The following TECPR2 variants were observed in gnomAD, a reference collection of about 807,000 sequenced individuals.
TECPR2 encodes tectonin beta-propeller repeat-containing protein 2.
A neutral mutation model predicts 138.1 loss-of-function variants in TECPR2; 65 were observed. The observed-to-expected ratio is 0.47, with a 90% CI of 0.39 to 0.58. TECPR2 has a LOEUF of 0.58. Ranked by LOEUF, TECPR2 falls within the 20% of genes least tolerant of loss-of-function variation. The probability of loss-of-function intolerance (pLI) is 0.00; values close to 1 mark genes in which losing one functional copy is unlikely to be tolerated. For missense variants in TECPR2, 1,553 were observed against 1,824.5 expected (o/e 0.85, Z 2.71); for synonymous variants, 746 against 749.8 (o/e 0.99, Z 0.08).
At chr14:102,373,515 G>T (rs1887561361) in intron 1 of TECPR2, among the ~76,000 whole-genome samples, 1 of 152,206 alleles carries the variant, frequency 6.6e-6, no homozygotes, top group Non-Finnish European at 1.5e-5. Flanking sequence ...GCTAAGCTAA[G>T]ATGTTCGGCA....
At chr14:102,469,062 T>A (rs1004712821) in intron 17 of TECPR2, among the ~76,000 whole-genome samples, 3 of 152,190 alleles carry the variant, frequency 2.0e-5, no homozygotes, top group African/African-American at 7.2e-5. Context: ...TTTTTCAAGA[T>A]TTTTTCAGCT....
chr14:102,440,735 AC>A, intron 11 of TECPR2, 126 bp downstream of exon 11: 1 of 1,215,670 alleles, frequency 8.2e-7, no homozygotes, highest in Non-Finnish European at 1.1e-6. Flanking sequence ...TCGAATTAAG[AC>A]ACTTCTGGGA....
chr14:102,366,221 G>T (rs77297619), intron 1 of TECPR2, among the ~76,000 whole-genome samples: 1 of 152,180 alleles, frequency 6.6e-6, no homozygotes, highest in African/African-American at 2.4e-5. Flanking sequence ...ACCTTCCAGG[G>T]TTATGAGATT....
At chr14:102,477,934 CAAAAA>C (rs1188082616) in intron 17 of TECPR2, among the ~76,000 whole-genome samples, 1 of 44,636 alleles carries the variant, frequency 2.2e-5, no homozygotes, top group Non-Finnish European at 4.1e-5. Flanking sequence ...GACTCCGTCT[CAAAAA>C]AAAAAAAAAA....
intron 2 of TECPR2, among the ~76,000 whole-genome samples, chr14:102,402,986 T>C (rs1232531820): frequency 6.6e-6 from 1 of 152,184 alleles, no homozygotes; most frequent in African/African-American, 2.4e-5. Flanking sequence ...CACTATTTCT[T>C]CTCAAATTTT....
intron 4 of TECPR2, among the ~76,000 whole-genome samples, chr14:102,413,485 T>C (rs1888939684): frequency 6.6e-6 from 1 of 151,728 alleles, no homozygotes; most frequent in South Asian, 2.1e-4. Flanking sequence ...TTCAAGTGAT[T>C]CTCCTGCCGC....
At chr14:102,431,024 C>CT (rs10713792) in intron 7 of TECPR2, among the ~76,000 whole-genome samples, 78,312 of 122,546 alleles carry the variant, frequency 0.64, 25,900 homozygotes, top group Non-Finnish European at 0.69. Context: ...TATTTTTTTA[C>CT]TTTTTTTTTT....
At chr14:102,382,385 C>T (rs1275993592) in intron 2 of TECPR2, among the ~76,000 whole-genome samples, 1 of 152,064 alleles carries the variant, frequency 6.6e-6, no homozygotes, top group Non-Finnish European at 1.5e-5. Flanking sequence ...AAAGACATTA[C>T]ATAATAACAG....
chr14:102,381,955 A>C (rs1295111566), intron 2 of TECPR2, among the ~76,000 whole-genome samples: 1 of 152,214 alleles, frequency 6.6e-6, no homozygotes, highest in Non-Finnish European at 1.5e-5. Flanking sequence ...ACATTTGTAC[A>C]TTCTTCTTGA....
At chr14:102,444,194 G>A (rs1319594340) in intron 12 of TECPR2, among the ~76,000 whole-genome samples, 3 of 136,194 alleles carry the variant, frequency 2.2e-5, no homozygotes, top group African/African-American at 7.8e-5. Flanking sequence ...CTGAACTGTA[G>A]CTTTTTTTTT....
chr14:102,451,424 C>T (rs1296310836), intron 15 of TECPR2, among the ~76,000 whole-genome samples: 1 of 152,166 alleles, frequency 6.6e-6, no homozygotes, highest in Non-Finnish European at 1.5e-5. Flanking sequence ...TCTTACTCAC[C>T]AGATTGTTCG....
chr14:102,477,903 C>T (rs796411869), intron 17 of TECPR2, among the ~76,000 whole-genome samples: 5 of 135,462 alleles, frequency 3.7e-5, no homozygotes, highest in African/African-American at 1.4e-4. Flanking sequence ...CCACTGCACT[C>T]CAGCCTGGGT....
chr14:102,382,776 G>A (rs991807107), intron 2 of TECPR2, among the ~76,000 whole-genome samples: 15 of 144,582 alleles, frequency 1.0e-4, no homozygotes, highest in Admixed American at 2.1e-4. Flanking sequence ...TTTTTTTTTC[G>A]AGACGGAGTT....
At chr14:102,378,066 A>C (rs1213602189) in intron 2 of TECPR2, among the ~76,000 whole-genome samples, 1 of 152,206 alleles carries the variant, frequency 6.6e-6, no homozygotes, top group Non-Finnish European at 1.5e-5. Flanking sequence ...GTGAACTGTA[A>C]TGTAATTCAC....
intron 17 of TECPR2, among the ~76,000 whole-genome samples, chr14:102,487,706 T>C (rs866993418): frequency 5.3e-5 from 8 of 151,450 alleles, no homozygotes; most frequent in South Asian, 2.1e-4. Context: ...CACGCCTGGC[T>C]AATTTTTTGT....
At position 102,500,085 on chromosome 14, in the gene TECPR2, A is replaced by C. The variant is rs1246665932; in HGVS notation, c.*1828A>C. On this transcript the variant is annotated 3_prime_UTR_variant, in exon 20 of 20. Coordinates refer to ENST00000359520, the MANE Select transcript of TECPR2 (RefSeq NM_014844.5). ...AAACCCGCGTCTAGGTGATGCTTTTAAAGTTGTAGCTTCGTGCTTTGTACA... is the reference window on the plus strand; with the variant it reads ...AAACCCGCGTCTAGGTGATGCTTTTCAAGTTGTAGCTTCGTGCTTTGTACA... The C allele has an allele frequency of 6.5e-6, 1 of 152,682 alleles. No homozygotes were observed. Among genetic ancestry groups the C allele is most frequent in the African/African-American group, 2.4e-5 (1 of 41,466 alleles). The allele number at this position is 152,682 out of a possible 1,614,324, so 9.5% of individuals were successfully genotyped here. A position where few individuals can be genotyped will look rare whatever the true frequency, so the allele number is the denominator to read the frequency against.
rs936497047 is a variant in TECPR2, at chr14:102,499,536, C to T, written c.*1279C>T. 10 of 402,538 alleles carry T rather than the reference C, an allele frequency of 2.5e-5. No individual in the cohort carries two copies. The highest frequency in any genetic ancestry group is 1.5e-4 in the Admixed American group (4 of 25,936). 24.9% of individuals were successfully genotyped at this position (402,538 alleles called of 1,614,324 possible). ...GGTCACGGGACCTGCGGGCTGGCTC[C>T]GAGTGGCAGCCCATGCCTTCTGCGG... On this transcript the variant is annotated 3_prime_UTR_variant, in exon 20 of 20. Coordinates refer to ENST00000359520, the MANE Select transcript of TECPR2 (RefSeq NM_014844.5).
chr14:102,501,078 C>T lies in TECPR2; in HGVS notation c.*2821C>T, dbSNP rs1891425506. ...AGGTGGAGCCCCAGCAGGGGCCACT[C>T]TATTGAATGGCATGGCCCAGACCCT... On this transcript the variant is annotated 3_prime_UTR_variant, in exon 20 of 20. Transcript: ENST00000359520. The T allele has an allele frequency of 6.6e-6, 1 of 152,208 alleles. No individual in the cohort carries two copies. Among genetic ancestry groups the T allele is most frequent in the Non-Finnish European group, 1.5e-5 (1 of 68,094 alleles). The allele number at this position is 152,208 out of a possible 1,614,324, so 9.4% of individuals were successfully genotyped here. A position where few individuals can be genotyped will look rare whatever the true frequency, so the allele number is the denominator to read the frequency against.
At chr14:102,458,194 G>A (rs570888439) in intron 16 of TECPR2, among the ~76,000 whole-genome samples, 1 of 152,224 alleles carries the variant, frequency 6.6e-6, no homozygotes, top group African/African-American at 2.4e-5. Flanking sequence ...AATTCTGCTG[G>A]AAAGACCAGA....
Sources: gnomAD v4.1 joint callset for allele counts (sites outside exome capture counted in the v4.1 genomes callset) on GRCh38, gnomAD v4.1.1 for gene constraint, MANE v1.5 for transcripts, NCBI Gene and HGNC (gene_info 2026-07-23, HGNC 2026-07-21) for gene names.